The following DHX57 variants were observed in gnomAD, a reference collection of about 807,000 sequenced individuals.
DHX57 encodes the protein DExH-box helicase 57, also known as putative ATP-dependent RNA helicase DHX57.
In DHX57, 105 loss-of-function variants were observed where a neutral mutation model predicts 156.2. The observed-to-expected ratio is 0.67, with a 90% CI of 0.57 to 0.79. The LOEUF (loss-of-function observed/expected upper bound fraction) is 0.79. Among genes scored for constraint, DHX57 ranks in the 30% least tolerant of loss-of-function variants. The probability of loss-of-function intolerance (pLI) is 0.00; values close to 1 mark genes in which losing one functional copy is unlikely to be tolerated. For synonymous variants in DHX57, 704 were observed against 595.6 expected, an observed-to-expected ratio of 1.18 and a Z score of -2.65; for missense variants, 1,847 against 1,661.9, an observed-to-expected ratio of 1.11 and a Z score of -1.94.
At chr2:38,830,511 C>T (rs1434948888) in intron 13 of DHX57, among the ~76,000 whole-genome samples, 2 of 151,906 alleles carry the variant, frequency 1.3e-5, no homozygotes, top group Non-Finnish European at 2.9e-5. Context: ...GCCTGTAATC[C>T]CAGCTACTTG....
chr2:38,811,414 G>A (rs1558357375), intron 21 of DHX57: 2 of 585,476 alleles, frequency 3.4e-6, no homozygotes, highest in African/African-American at 1.9e-5. Flanking sequence ...GGCCCAGGAG[G>A]TAGCAGTCCT....
At chr2:38,869,293 T>G (rs114974665) in intron 1 of DHX57, among the ~76,000 whole-genome samples, 1 of 152,114 alleles carries the variant, frequency 6.6e-6, no homozygotes, top group African/African-American at 2.4e-5. Context: ...CCATTTACAA[T>G]GGAGTGTGGA....
At chr2:38,871,981 T>A (rs1203533932) in intron 1 of DHX57, among the ~76,000 whole-genome samples, 1 of 152,186 alleles carries the variant, frequency 6.6e-6, no homozygotes, top group Non-Finnish European at 1.5e-5. Context: ...GTGCTGGGAT[T>A]ACAGGCGTGA....
chr2:38,826,897 G>A (rs879500809), intron 14 of DHX57, among the ~76,000 whole-genome samples: 12 of 152,160 alleles, frequency 7.9e-5, no homozygotes, highest in Non-Finnish European at 1.3e-4. Context: ...TTGGAAGGCT[G>A]AGGCAGGCGG....
intron 19 of DHX57, chr2:38,816,102 TAG>T: frequency 2.1e-6 from 1 of 471,822 alleles, no homozygotes; most frequent in Non-Finnish European, 4.4e-6. Flanking sequence ...TACTCAGGCC[TAG>T]AGTGGTTCGT....
intron 19 of DHX57, among the ~76,000 whole-genome samples, chr2:38,817,168 A>T (rs1163239800): frequency 1.3e-5 from 2 of 151,460 alleles, no homozygotes; most frequent in African/African-American, 4.9e-5. Context: ...CTGGGCTCAA[A>T]GGTTCTGCCT....
intron 14 of DHX57, among the ~76,000 whole-genome samples, chr2:38,827,356 T>C (rs904365464): frequency 3.3e-5 from 5 of 149,800 alleles, no homozygotes; most frequent in South Asian, 2.1e-4. Context: ...AAATACAAGA[T>C]GAGCCTGTAA....
At chr2:38,858,223 G>A (rs572342885) in intron 6 of DHX57, among the ~76,000 whole-genome samples, 63 of 152,142 alleles carry the variant, frequency 4.1e-4, no homozygotes, top group Admixed American at 3.0e-3. Flanking sequence ...CACCACGCCC[G>A]GCTAATTTTT....
At chr2:38,863,552 T>C (rs756665755) in intron 2 of DHX57, 33 bp from the exon 3 acceptor site, 1 of 1,598,862 alleles carries the variant, frequency 6.3e-7, no homozygotes, top group East Asian at 2.2e-5. Context: ...ATTACACACA[T>C]ATCTTCAATC....
chr2:38,863,376 G>A lies in DHX57; in HGVS notation c.368C>T (p.Ala123Val). 1.9e-6 allele frequency: 3 copies of A among 1,610,940 alleles called. No homozygotes were observed. In the East Asian group the frequency reaches 6.7e-5, roughly 36 times the overall value. ...ALLRDLQEQDADAGSERGLSG... is the reference protein window; with the variant it reads ...ALLRDLQEQDVDAGSERGLSG... The stretch of plus-strand genomic sequence containing the variant: ...AACAATTTACTCAGATCCAGCATCA[G>A]CATCTTGTTCTTGCAGGTCTCGGAG... The change falls in exon 3 of 24, where the codon GCT (alanine) becomes GTT (valine). Residue 123 changes from alanine to valine, a missense_variant. Coordinates refer to ENST00000457308, the MANE Select transcript of DHX57 (RefSeq NM_198963.3).
chr2:38,870,189 A>G (rs1344330216), intron 1 of DHX57, among the ~76,000 whole-genome samples: 1 of 152,162 alleles, frequency 6.6e-6, no homozygotes, highest in Non-Finnish European at 1.5e-5. Flanking sequence ...ATAAATGAAG[A>G]AAAGTGAACA....
intron 21 of DHX57, among the ~76,000 whole-genome samples, chr2:38,808,540 CCT>C (rs567924832): frequency 5.7e-4 from 87 of 151,674 alleles, no homozygotes; most frequent in Non-Finnish European, 1.0e-3. Flanking sequence ...CAATAAATAC[CCT>C]GTTTTTTCAA....
intron 23 of DHX57, among the ~76,000 whole-genome samples, chr2:38,802,237 C>G (rs1377985556): frequency 1.3e-5 from 2 of 151,748 alleles, no homozygotes; most frequent in African/African-American, 4.8e-5. Context: ...CCACTCCTGG[C>G]TTCACTTCAG....
intron 17 of DHX57, among the ~76,000 whole-genome samples, chr2:38,820,328 T>C (rs369177773): frequency 1.1e-4 from 16 of 149,538 alleles, no homozygotes; most frequent in East Asian, 1.9e-4. Context: ...CTCTCTCTCT[T>C]TTTTTTTTTT....
intron 12 of DHX57, among the ~76,000 whole-genome samples, chr2:38,839,441 G>A (rs1050919225): frequency 6.6e-6 from 1 of 151,744 alleles, no homozygotes; most frequent in Admixed American, 6.6e-5. Flanking sequence ...GCTGGGCGCG[G>A]TGGCTCATGC....
chr2:38,869,615 A>G lies in DHX57; in HGVS notation c.-6-1204T>C, dbSNP rs542522483. Reference sequence around the variant, plus strand: ...CTAAAGCTGTACCTCCCAGAGGAGCAACAACAGAGGCTTAAAATCGTAGGA... The same window carrying G: ...CTAAAGCTGTACCTCCCAGAGGAGCGACAACAGAGGCTTAAAATCGTAGGA... On this transcript the variant is annotated intron_variant, in intron 1 of 23. Coordinates refer to ENST00000457308, the MANE Select transcript of DHX57 (RefSeq NM_198963.3). Among the ~76,000 whole-genome samples, 12 of 152,378 alleles carry G rather than the reference A, an allele frequency of 7.9e-5. No homozygotes were observed. The South Asian group carries it at 2.1e-3, about 26-fold the overall frequency.
rs1672898728 is a variant in DHX57 at position 38,856,439 on chromosome 2, A to G, written c.1610T>C (p.Ile537Thr). 6.2e-7 allele frequency: 1 copy of G among 1,613,536 alleles called. No homozygotes were observed. Residue 537 changes from isoleucine to threonine, a missense_variant, in exon 7 of 24, where the codon ATT (isoleucine) becomes ACT (threonine). Coordinates refer to ENST00000457308, the MANE Select transcript of DHX57 (RefSeq NM_198963.3). The stretch of plus-strand genomic sequence containing the variant: ...AGGGAGTGATTGCCTCTCTTGCAGA[A>G]TGGACTGGAACTGTCTGGAAGCCTA... ...MKQASRQFQSILQERQSLPAW... is the reference protein window; with the variant it reads ...MKQASRQFQSTLQERQSLPAW...
rs745606767 is a variant in DHX57 at position 38,868,165 on chromosome 2, CAA to C, written c.224+15_224+16del. On this transcript the variant is annotated intron_variant, in intron 2 of 23. Coordinates refer to ENST00000457308, the MANE Select transcript of DHX57 (RefSeq NM_198963.3). The stretch of plus-strand genomic sequence containing the variant: ...GATACCATTTCCATATTTAAACATT[CAA>C]AGAGTTATAATGACCTGGAAGGGCG... 1 of 1,611,830 alleles carries C rather than the reference CAA, an allele frequency of 6.2e-7. No homozygotes were observed. Among genetic ancestry groups the C allele is most frequent in the East Asian group, 2.2e-5 (1 of 44,850 alleles).
At chr2:38,840,874 A>G (rs1378019002) in intron 12 of DHX57, among the ~76,000 whole-genome samples, 1 of 152,196 alleles carries the variant, frequency 6.6e-6, no homozygotes, top group African/African-American at 2.4e-5. Flanking sequence ...GCTGGAGTGC[A>G]CTAGTGCGAT....
Sources: gnomAD v4.1 joint callset for allele counts (sites outside exome capture counted in the v4.1 genomes callset) on GRCh38, gnomAD v4.1.1 for gene constraint, MANE v1.5 for transcripts, NCBI Gene and HGNC (gene_info 2026-07-23, HGNC 2026-07-21) for gene names.